TTF2: variants seen among roughly 807,000 people sequenced by gnomAD.
TTF2 encodes RNA polymerase II termination factor.
Under a neutral mutation model 142.4 loss-of-function variants are expected in TTF2, and 108 were observed. That is an observed-to-expected ratio of 0.76 (90% CI 0.65 to 0.89). The LOEUF is 0.89. Ranked by LOEUF, TTF2 falls within the 40% of genes least tolerant of loss-of-function variation. The pLI is 0.00. For missense variants in TTF2, 1,327 were observed against 1,379.8 expected, an observed-to-expected ratio of 0.96 and a Z score of 0.61; for synonymous variants, 483 against 506.2, an observed-to-expected ratio of 0.95 and a Z score of 0.61.
intron 13 of TTF2, among the ~76,000 whole-genome samples, chr1:117,089,259 G>GATATAT (rs1648337226): frequency 1.9e-5 from 1 of 52,082 alleles, no homozygotes; most frequent in African/African-American, 5.3e-5. Flanking sequence ...GCAAATATAT[G>GATATAT]CTATATATAT....
Position 117,102,909 on chromosome 1 carries a change from C to T in TTF2, c.*1385C>T, listed in dbSNP as rs777265775. On this transcript the variant is annotated 3_prime_UTR_variant, in exon 23 of 23. Coordinates refer to ENST00000369466, the MANE Select transcript of TTF2 (RefSeq NM_003594.4). ...TCACCAAACCCACTTCCTTTTCCTC[C>T]CGGGCACCCAGAGAGACTGTATTTC... 1 of 152,180 alleles carries T rather than the reference C, an allele frequency of 6.6e-6. No individual in the cohort carries two copies. Among genetic ancestry groups the T allele is most frequent in the African/African-American group, 2.4e-5 (1 of 41,458 alleles). The allele number at this position is 152,180 out of a possible 1,614,324, so 9.4% of individuals were successfully genotyped here.
Position 117,090,061 on chromosome 1 carries a change from C to G in TTF2, c.2349C>G (p.Leu783=). The G allele has an allele frequency of 6.2e-7, 1 of 1,613,222 alleles. No individual in the cohort carries two copies. Among genetic ancestry groups the G allele is most frequent in the South Asian group, 1.1e-5 (1 of 90,844 alleles). Residue 783 remains leucine (L), a synonymous_variant, in exon 14 of 23, where the codon CTC becomes CTG. Transcript: ENST00000369466. This position sits in a 1 kb window ranked among gnomAD's most constrained non-coding sequence, Gnocchi z 4.8. Reference sequence around the variant, plus strand: ...TTCTTCCTCAACAAAAAAGGTTTCTCCGTTGCTCTCCATTTGATGAGTTCA... The same window carrying G: ...TTCTTCCTCAACAAAAAAGGTTTCTGCGTTGCTCTCCATTTGATGAGTTCA... The part of the protein sequence containing the change: ...LLDMYSLLKF[L]RCSPFDEFNL...
At chr1:117,089,534 A>T (rs1263259200) in intron 13 of TTF2, among the ~76,000 whole-genome samples, 1 of 151,896 alleles carries the variant, frequency 6.6e-6, no homozygotes, top group Non-Finnish European at 1.5e-5. Flanking sequence ...ACAAAAAATT[A>T]AAAAATTAGC....
In TTF2 at chr1:117,095,222, G is replaced by A. The variant is rs1649008672; in HGVS notation, c.2977-87G>A. 6 of 1,273,800 alleles carry A rather than the reference G, an allele frequency of 4.7e-6. No homozygotes were observed. In the East Asian group the frequency reaches 1.2e-4, roughly 25 times the overall value. The allele number at this position is 1,273,800 out of a possible 1,614,324, so 78.9% of individuals were successfully genotyped here. A position where few individuals can be genotyped will look rare whatever the true frequency, so the allele number is the denominator to read the frequency against. On this transcript the variant is annotated intron_variant, in intron 18 of 22. Transcript: ENST00000369466. ...GGTGAGGCCAGAGCACAGACGCCAT[G>A]TAGGAGGCTGCTTCGCATGGCAGGT... is the stretch of plus-strand genomic sequence containing the variant.
intron 4 of TTF2, among the ~76,000 whole-genome samples, chr1:117,074,441 T>C (rs1030320513): frequency 6.6e-6 from 1 of 152,126 alleles, no homozygotes; most frequent in Non-Finnish European, 1.5e-5. Context: ...GAAAGTATCG[T>C]GAAGAAATGA....
Position 117,060,382 on chromosome 1 carries a change from G to T in TTF2, c.28+8G>T. ...TTAGGTGTCCAGAGCACGGTAAGGG[G>T]CTAGGGTCTCAGCGTCCCGGGGCCT... On this transcript the variant is annotated splice_region_variant and intron_variant, in intron 1 of 22. Transcript: ENST00000369466. 2 of 1,608,410 alleles carry T rather than the reference G, an allele frequency of 1.2e-6. No individual in the cohort carries two copies. Among genetic ancestry groups the T allele is most frequent in the Non-Finnish European group, 1.7e-6 (2 of 1,176,550 alleles).
intron 3 of TTF2, among the ~76,000 whole-genome samples, chr1:117,069,121 A>AT (rs1228422628): frequency 6.6e-6 from 1 of 151,914 alleles, no homozygotes; most frequent in African/African-American, 2.4e-5. Context: ...TTACTTTTAC[A>AT]TTTTTTTCCA....
chr1:117,069,352 G>T lies in TTF2; in HGVS notation c.219-4309G>T, dbSNP rs74111936. Among the ~76,000 whole-genome samples the T allele has an allele frequency of 6.5e-3, 989 of 152,338 alleles. 11 individuals are homozygous for T. The highest frequency in any genetic ancestry group is 0.023 in the African/African-American group (936 of 41,576). ...TGGTTCTGTGACTCTAAGACATACA[G>T]TTCAGGGCTAGGAAGGTTACAGAGA... On this transcript the variant is annotated intron_variant, in intron 3 of 22. Coordinates refer to ENST00000369466, the MANE Select transcript of TTF2 (RefSeq NM_003594.4).
chr1:117,075,472 G>T lies in TTF2; in HGVS notation c.888G>T (p.Lys296Asn). 1 of 1,614,144 alleles carries T rather than the reference G, an allele frequency of 6.2e-7. No individual in the cohort carries two copies. Among genetic ancestry groups the T allele is most frequent in the South Asian group, 1.1e-5 (1 of 91,080 alleles). ...GGGAGGCTAAAGAAACAAAGGCAAA[G>T]GATGGCCCTAGCATACAGGCCACCC... ...TNWEAKETKA[K>N]DGPSIQATQK... The change falls in exon 5 of 23, where the codon AAG becomes AAT. Residue 296 changes from lysine to asparagine, a missense_variant. Physicochemically the swap from Lys to Asn is moderately conservative, Grantham distance 94. Coordinates refer to ENST00000369466, the MANE Select transcript of TTF2 (RefSeq NM_003594.4). This position sits in a 1 kb window ranked among gnomAD's most constrained non-coding sequence, Gnocchi z 4.5.
chr1:117,077,035 C>A (rs1657068189), intron 7 of TTF2, among the ~76,000 whole-genome samples: 2 of 151,934 alleles, frequency 1.3e-5, no homozygotes, highest in South Asian at 2.1e-4. Context: ...TCTTATAATT[C>A]TTCTATTTTA....
chr1:117,090,671 G>A lies in TTF2; in HGVS notation c.2588+48G>A. ...TTCTCACACACATTGTTTTATTCCT[G>A]TCTTTTCTTGGGAGTGAGTTGAAGG... is the stretch of plus-strand genomic sequence containing the variant. On this transcript the variant is annotated intron_variant, in intron 15 of 22. Coordinates refer to ENST00000369466, the MANE Select transcript of TTF2 (RefSeq NM_003594.4). This position sits in a 1 kb window ranked among gnomAD's most constrained non-coding sequence, Gnocchi z 4.8. 2.0e-6 allele frequency: 3 copies of A among 1,516,396 alleles called. No homozygotes were observed. Among genetic ancestry groups the A allele is most frequent in the Non-Finnish European group, 2.7e-6 (3 of 1,101,100 alleles). The allele number at this position is 1,516,396 out of a possible 1,614,324, so 93.9% of individuals were successfully genotyped here.
In TTF2 at chr1:117,103,632, T is replaced by A. The variant is rs1649747994; in HGVS notation, c.*2108T>A. The A allele has an allele frequency of 6.6e-6, 1 of 152,172 alleles. No individual in the cohort carries two copies. Among genetic ancestry groups the A allele is most frequent in the Admixed American group, 6.5e-5 (1 of 15,286 alleles). 9.4% of individuals were successfully genotyped at this position (152,172 alleles called of 1,614,324 possible). A position where few individuals can be genotyped will look rare whatever the true frequency, so the allele number is the denominator to read the frequency against. ...AGAACGTTTGAGATTTGACTCTAGT[T>A]CTAGGTTCATCTTAGCTGGGTGTGT... On this transcript the variant is annotated 3_prime_UTR_variant, in exon 23 of 23. Transcript: ENST00000369466.
chr1:117,091,580 T>G (rs1041689901), intron 16 of TTF2, among the ~76,000 whole-genome samples, 170 bp downstream of exon 16: 2 of 152,242 alleles, frequency 1.3e-5, no homozygotes, highest in Non-Finnish European at 2.9e-5. Context: ...ATCTGGTGTT[T>G]ATTTAGCTTC....
rs775464710 is a variant in TTF2, at chr1:117,091,827, G to A, written c.2682G>A (p.Glu894=). ...PNNPFSRVAL[E]FGSEEPRHSE... ...CTTCCCTCTTGGAAGTGGCACTGGA[G>A]TTTGGGTCTGAGGAGCCTAGACACT... Residue 894 remains glutamate (E), a synonymous_variant, in exon 17 of 23, where the codon GAG becomes GAA. Transcript: ENST00000369466. 56 of 1,613,022 alleles carry A rather than the reference G, an allele frequency of 3.5e-5. No homozygotes were observed. Among genetic ancestry groups the A allele is most frequent in the Non-Finnish European group, 3.0e-5 (35 of 1,179,592 alleles).
chr1:117,081,153 A>G (rs1570833848), intron 9 of TTF2, among the ~76,000 whole-genome samples: 2 of 152,212 alleles, frequency 1.3e-5, no homozygotes, highest in East Asian at 3.8e-4. Context: ...TGGGCCTGCT[A>G]TGTTAATTAT....
chr1:117,098,873 C>T lies in TTF2; in HGVS notation c.3310C>T (p.Arg1104Ter), dbSNP rs748099035. 6 of 1,612,020 alleles carry T rather than the reference C, an allele frequency of 3.7e-6. No individual in the cohort carries two copies. Among genetic ancestry groups the T allele is most frequent in the South Asian group, 3.3e-5 (3 of 90,852 alleles). Residue 1104 changes from arginine (R) to a stop codon, truncating the protein, a stop_gained, in exon 22 of 23, where the codon CGA (arginine) becomes TGA (stop). Coordinates refer to ENST00000369466, the MANE Select transcript of TTF2 (RefSeq NM_003594.4). LOFTEE classifies it high-confidence loss of function. Reference protein sequence around the residue: ...LEDQACDRIYRVGQQKDVVIH... With the variant: ...LEDQACDRIY ...AGATCAAGCTTGTGACCGAATTTACCGAGTAGGGCAGCAGAAAGATGTTGT... is the reference window on the plus strand; with the variant it reads ...AGATCAAGCTTGTGACCGAATTTACTGAGTAGGGCAGCAGAAAGATGTTGT...
At chr1:117,082,092 A>C (rs777608332) in intron 10 of TTF2, 145 bp downstream of exon 10, 18 of 1,185,458 alleles carry the variant, frequency 1.5e-5, no homozygotes, top group Non-Finnish European at 2.2e-5. Flanking sequence ...CACCTATCAT[A>C]TCATTTCTGA....
Position 117,096,182 on chromosome 1 carries a change from A to C in TTF2, c.3069A>C (p.Lys1023Asn). The C allele has an allele frequency of 6.2e-7, 1 of 1,614,034 alleles. No individual in the cohort carries two copies. Among genetic ancestry groups the C allele is most frequent in the South Asian group, 1.1e-5 (1 of 91,074 alleles). Residue 1023 changes from lysine to asparagine, a missense_variant, in exon 20 of 23, where the codon AAA becomes AAC. By Grantham distance (94) the Lys-to-Asn change is moderately conservative. Transcript: ENST00000369466. ...VIVSQWTNML[K>N]VVALHLKKHG... ...TCTCTCAGTGGACCAACATGCTGAAAGTTGTAGCATTGCACCTGAAGAAGC... is the reference window on the plus strand; with the variant it reads ...TCTCTCAGTGGACCAACATGCTGAACGTTGTAGCATTGCACCTGAAGAAGC...
At chr1:117,082,506 C>G (rs1380086608) in intron 10 of TTF2, among the ~76,000 whole-genome samples, 1 of 152,182 alleles carries the variant, frequency 6.6e-6, no homozygotes, top group Non-Finnish European at 1.5e-5. Flanking sequence ...ACCCACCATG[C>G]CTGGCCAATA....
Sources: gnomAD v4.1 joint callset for allele counts (sites outside exome capture counted in the v4.1 genomes callset) on GRCh38, gnomAD v4.1.1 for gene constraint, Gnocchi (gnomAD v3.1) non-coding constraint, MANE v1.5 for transcripts, NCBI Gene and HGNC (gene_info 2026-07-23, HGNC 2026-07-21) for gene names.